Variants in ZNF584 observed in about 807,000 individuals in gnomAD.
ZNF584 encodes zinc finger protein 584.
Under a neutral mutation model 14.7 loss-of-function variants are expected in ZNF584, and 12 were observed. The ratio of observed to expected loss-of-function variants is 0.82; its 90% CI spans 0.52 to 1.32. The LOEUF (loss-of-function observed/expected upper bound fraction) is 1.32. Among genes scored for constraint, ZNF584 ranks in the 40% most tolerant of loss-of-function variants. ZNF584 has a pLI of 0.00. For missense variants in ZNF584, 478 were observed against 518.8 expected, an observed-to-expected ratio of 0.92 and a Z score of 0.76; for synonymous variants, 204 against 190.9, an observed-to-expected ratio of 1.07 and a Z score of -0.57.
At chr19:58,406,252 CAA>C (rs1041134399), upstream of ZNF584, 4 of 151,846 alleles carry the variant, frequency 2.6e-5, no homozygotes, top group African/African-American at 9.9e-5. Context: ...CAGGCTGAGG[CAA>C]GAGAATCAGG....
chr19:58,403,885 G>C (rs1374610734), upstream of ZNF584, among the ~76,000 whole-genome samples: 1 of 148,702 alleles, frequency 6.7e-6, no homozygotes, highest in Non-Finnish European at 1.5e-5. Context: ...AGAATTGCTT[G>C]AACCCGGGAG....
rs112568965 is a variant in ZNF584 at position 58,416,890 on chromosome 19, T to G, written c.372T>G (p.Thr124=). The G allele has an allele frequency of 1.2e-6, 2 of 1,610,954 alleles. No homozygotes were observed. Among genetic ancestry groups the G allele is most frequent in the South Asian group, 1.1e-5 (1 of 90,478 alleles). ...KSYRVIQHQD[T]HSEGKPRRHT... ...ACAGAGTCATCCAGCACCAGGACACTCATAGTGAGGGGAAACCAAGAAGGC... is the reference window on the plus strand; with the variant it reads ...ACAGAGTCATCCAGCACCAGGACACGCATAGTGAGGGGAAACCAAGAAGGC... The change falls in exon 4 of 4, where the codon ACT becomes ACG. Residue 124 remains threonine, a synonymous_variant. Transcript: ENST00000306910.
chr19:58,407,289 A>T (rs1323391743), upstream of ZNF584: 4 of 152,382 alleles, frequency 2.6e-5, no homozygotes, highest in Non-Finnish European at 4.4e-5. Flanking sequence ...CCAGCAAGCG[A>T]GAATAATCCT....
intron 1 of ZNF584, 126 bp from the exon 2 acceptor site, chr19:58,409,815 A>C: frequency 8.0e-6 from 9 of 1,126,808 alleles, no homozygotes; most frequent in African/African-American, 1.5e-5. Context: ...GGAAGAGTTT[A>C]GAGCTCATAG....
At chr19:58,415,703 G>T in intron 3 of ZNF584, 57 bp downstream of exon 3, 1 of 1,609,040 alleles carries the variant, frequency 6.2e-7, no homozygotes, top group Non-Finnish European at 8.5e-7. Flanking sequence ...AGAATGCTGA[G>T]TACCTGCATA....
At chr19:58,410,625 GTA>G (rs1293130945) in intron 2 of ZNF584, among the ~76,000 whole-genome samples, 3 of 41,716 alleles carry the variant, frequency 7.2e-5, no homozygotes, top group South Asian at 5.7e-4. Context: ...GTATATATGT[GTA>G]TATATGTGTA....
At chr19:58,413,371 G>A (rs933944683) in intron 2 of ZNF584, among the ~76,000 whole-genome samples, 10 of 151,106 alleles carry the variant, frequency 6.6e-5, no homozygotes, top group Admixed American at 5.9e-4. Flanking sequence ...TTCTTTTTGA[G>A]ATGGAGTCCT....
At position 58,417,518 on chromosome 19, in the gene ZNF584, G is replaced by A. The variant is rs1484800419; in HGVS notation, c.1000G>A (p.Gly334Ser). Residue 334 changes from glycine (G) to serine (S), a missense_variant, in exon 4 of 4, where the codon GGC (glycine) becomes AGC (serine). By Grantham distance (56) the Gly-to-Ser change is moderately conservative (BLOSUM62 0). Coordinates refer to ENST00000306910, the MANE Select transcript of ZNF584 (RefSeq NM_173548.3). ...TTTTGAATGCAAGCAATGTGGGAAA[G>A]GCTACGTGACCCGTTCAGGCCTCTA... ...RPFECKQCGK[G>S]YVTRSGLYQH... is the part of the protein sequence containing the mutation. The A allele has an allele frequency of 4.3e-6, 7 of 1,614,184 alleles. No homozygotes were observed. Among genetic ancestry groups the A allele is most frequent in the Non-Finnish European group, 5.1e-6 (6 of 1,180,026 alleles).
At chr19:58,412,812 TAAC>T (rs758475228) in intron 2 of ZNF584, among the ~76,000 whole-genome samples, 28 of 152,208 alleles carry the variant, frequency 1.8e-4, no homozygotes, top group Admixed American at 3.9e-4. Context: ...TGTTTTTTAA[TAAC>T]AACAAGAAAA....
chr19:58,404,236 T>C (rs1318887300), upstream of ZNF584: 2 of 147,652 alleles, frequency 1.4e-5, no homozygotes, highest in African/African-American at 4.9e-5. Context: ...CAGATTTTTT[T>C]TTTTTCTTTT....
upstream of ZNF584, chr19:58,404,597 G>C (rs2052451756): frequency 4.9e-6 from 1 of 205,518 alleles, no homozygotes; most frequent in African/African-American, 2.4e-5. Flanking sequence ...ATTTTTCTTA[G>C]TACAGAACAA....
In ZNF584 at chr19:58,409,152, C is replaced by T. The variant is rs868395706; in HGVS notation, c.5C>T (p.Ala2Val). 3 of 1,445,642 alleles carry T rather than the reference C, an allele frequency of 2.1e-6. No individual in the cohort carries two copies. The highest frequency in any genetic ancestry group is 1.4e-5 in the South Asian group (1 of 69,958). The allele number at this position is 1,445,642 out of a possible 1,614,324, so 89.6% of individuals were successfully genotyped here. A position where few individuals can be genotyped will look rare whatever the true frequency, so the allele number is the denominator to read the frequency against. ...GGGTTCTGCCCGCACGGTCCAATGG[C>T]CGGGGAGGCGGAGGTGAGCAGAGGA... Reference protein sequence around the residue: MAGEAEAQLDPS... With the variant: MVGEAEAQLDPS... The change falls in exon 1 of 4, where the codon GCC becomes GTC. Residue 2 changes from alanine to valine, a missense_variant. Coordinates refer to ENST00000306910, the MANE Select transcript of ZNF584 (RefSeq NM_173548.3).
chr19:58,410,657 G>GTATA (rs1168823270), intron 2 of ZNF584, among the ~76,000 whole-genome samples: 1 of 16,238 alleles, frequency 6.2e-5, no homozygotes, highest in Non-Finnish European at 1.1e-4. Flanking sequence ...GTATATATGT[G>GTATA]TATATATGTA....
upstream of ZNF584, chr19:58,404,625 G>A (rs55919322): frequency 3.6e-5 from 8 of 222,936 alleles, 1 homozygote; most frequent in African/African-American, 9.5e-5. Context: ...AGTCTCCCAC[G>A]TCTACCTCTT....
Position 58,411,106 on chromosome 19 carries a change from C to T in ZNF584, c.169+1015C>T, listed in dbSNP as rs115001274. ...CGCCTGGCCACAAAGGTACTTCTTT[C>T]GTTAAATTTATTCCTAAGTACTTTA... On this transcript the variant is annotated intron_variant, in intron 2 of 3. Transcript: ENST00000306910. 2.2e-3 allele frequency among the ~76,000 whole-genome samples: 339 copies of T among 151,636 alleles called. 1 individual carries two copies. The highest frequency in any genetic ancestry group is 7.7e-3 in the African/African-American group (319 of 41,342).
intron 2 of ZNF584, among the ~76,000 whole-genome samples, chr19:58,411,480 C>G (rs560837765): frequency 4.0e-5 from 6 of 148,528 alleles, no homozygotes; most frequent in Admixed American, 3.4e-4. Flanking sequence ...GAGCTGAGAT[C>G]GCACCATTGC....
intron 2 of ZNF584, among the ~76,000 whole-genome samples, chr19:58,410,531 A>ATG (rs1184360052): frequency 9.9e-5 from 2 of 20,240 alleles, no homozygotes; most frequent in Non-Finnish European, 1.8e-4. Flanking sequence ...ATATATATAT[A>ATG]TATATATATA....
chr19:58,407,958 T>G (rs778520496), upstream of ZNF584, among the ~76,000 whole-genome samples: 1 of 152,008 alleles, frequency 6.6e-6, no homozygotes, highest in African/African-American at 2.4e-5. Flanking sequence ...GCCTCAGCCA[T>G]GTGCAGGGCG....
Position 58,415,609 on chromosome 19 carries a change from AG to A in ZNF584, c.256del (p.Val86SerfsTer28), listed in dbSNP as rs1395319848. The A allele has an allele frequency of 6.8e-6, 11 of 1,614,016 alleles. No individual in the cohort carries two copies. The South Asian group carries it at 1.2e-4, about 18-fold the overall frequency. ...WVPSWVDVTPVSRAEARRGFG... is the reference protein window; with the variant it reads ...WVPSWVDVTPXSRAEARRGFG... The stretch of plus-strand genomic sequence containing the variant: ...TGCCCAGCTGGGTGGATGTGACTCC[AG>A]TCAGCAGAGCAGAAGCCAGGAGAGG... On this transcript the variant is annotated frameshift_variant, in exon 3 of 4. Transcript: ENST00000306910. LOFTEE classifies it low-confidence loss of function (END_TRUNC).
Sources: gnomAD v4.1 joint callset for allele counts (sites outside exome capture counted in the v4.1 genomes callset) on GRCh38, gnomAD v4.1.1 for gene constraint, MANE v1.5 for transcripts, NCBI Gene and HGNC (gene_info 2026-07-23, HGNC 2026-07-21) for gene names.